The following PCDHA1 variants were observed in gnomAD, a reference collection of about 807,000 sequenced individuals.
PCDHA1 encodes protocadherin alpha 1, also known as protocadherin alpha-1.
In PCDHA1, 42 loss-of-function variants were observed where a neutral mutation model predicts 61.3. That is an observed-to-expected ratio of 0.69 (90% CI 0.54 to 0.89). The LOEUF is 0.89. PCDHA1 is among the 40% of genes least tolerant of loss of function. PCDHA1 has a pLI of 0.00. For missense variants in PCDHA1, 1,256 were observed against 1,235.3 expected, an observed-to-expected ratio of 1.02 and a Z score of -0.25; for synonymous variants, 610 against 553.8, an observed-to-expected ratio of 1.10 and a Z score of -1.43.
At chr5:140,855,488 C>T (rs569322371) in intron 1 of PCDHA1, among the ~76,000 whole-genome samples, 1 of 149,546 alleles carries the variant, frequency 6.7e-6, no homozygotes. Flanking sequence ...ACATTAGTGT[C>T]TAAATAAACC....
At chr5:140,857,353 G>A (rs1197611806) in intron 1 of PCDHA1, 1 of 1,598,220 alleles carries the variant, frequency 6.3e-7, no homozygotes, top group African/African-American at 1.3e-5. Flanking sequence ...CTCCGCTGTG[G>A]GCCACGGCCA....
intron 1 of PCDHA1, chr5:140,836,557 C>T (rs2150263942): frequency 1.2e-6 from 2 of 1,613,660 alleles, no homozygotes; most frequent in Non-Finnish European, 1.7e-6. Context: ...CGGTGCTCAG[C>T]GCCGTCCTCT....
intron 1 of PCDHA1, chr5:140,829,111 T>A: frequency 6.2e-7 from 1 of 1,612,018 alleles, no homozygotes; most frequent in Non-Finnish European, 8.5e-7. Flanking sequence ...TAGTGAGAAT[T>A]TTGGATAAAA....
chr5:140,928,876 C>T (rs1554206456), intron 1 of PCDHA1: 1 of 1,614,194 alleles, frequency 6.2e-7, no homozygotes, highest in Non-Finnish European at 8.5e-7. Context: ...CTCTGTCCCT[C>T]AGTTACTTCC....
chr5:140,843,577 A>G, intron 1 of PCDHA1: 1 of 1,595,954 alleles, frequency 6.3e-7, no homozygotes, highest in East Asian at 2.2e-5. Context: ...CATACTCGCA[A>G]CAACAGCCGC....
At chr5:140,802,484 CG>C in intron 1 of PCDHA1, 3 of 1,614,164 alleles carry the variant, frequency 1.9e-6, no homozygotes, top group Non-Finnish European at 2.5e-6. Flanking sequence ...CTGCTCGGGA[CG>C]GGGGCTCGCC....
At position 141,009,798 on chromosome 5, in the gene PCDHA1, A is replaced by T; in HGVS notation, c.2714A>T (p.Asn905Ile). 1 of 1,614,116 alleles carries T rather than the reference A, an allele frequency of 6.2e-7. No individual in the cohort carries two copies. The highest frequency in any genetic ancestry group is 2.2e-5 in the East Asian group (1 of 44,868). Residue 905 changes from asparagine (N) to isoleucine (I), a missense_variant, in exon 4 of 4, where the codon AAC (asparagine) becomes ATC (isoleucine). Asn to Ile is a moderately radical substitution (Grantham distance 149). Coordinates refer to ENST00000504120, the MANE Select transcript of PCDHA1 (RefSeq NM_018900.4). The stretch of plus-strand genomic sequence containing the variant: ...ATCTCCATCCGGCAGGAGCCTACTA[A>T]CAGCCAAATTGACAAAAGTGACTTC... Reference protein sequence around the residue: ...AIISIRQEPTNSQIDKSDFIT... With the variant: ...AIISIRQEPTISQIDKSDFIT...
In PCDHA1 at chr5:140,851,551, T is replaced by C; in HGVS notation, c.2394+62867T>C. Reference sequence around the variant, plus strand: ...GACAATGTAGATAATTCAAGAAATGTTGACTGAAATTTTGTCTACACTTAG... The same window carrying C: ...GACAATGTAGATAATTCAAGAAATGCTGACTGAAATTTTGTCTACACTTAG... On this transcript the variant is annotated intron_variant, in intron 1 of 3. Coordinates refer to ENST00000504120, the MANE Select transcript of PCDHA1 (RefSeq NM_018900.4). The C allele has an allele frequency of 5.5e-6, 5 of 908,010 alleles. No individual in the cohort carries two copies. In the South Asian group the frequency reaches 2.0e-4, roughly 36 times the overall value. The allele number at this position is 908,010 out of a possible 1,614,324, so 56.2% of individuals were successfully genotyped here. A position where few individuals can be genotyped will look rare whatever the true frequency, so the allele number is the denominator to read the frequency against.
intron 1 of PCDHA1, chr5:140,877,444 G>A (rs782552942): frequency 6.2e-7 from 1 of 1,613,864 alleles, no homozygotes; most frequent in South Asian, 1.1e-5. Context: ...CGGTGAGCCC[G>A]CGCTGACGTC....
chr5:140,994,263 C>G (rs1329526022), intron 3 of PCDHA1, among the ~76,000 whole-genome samples: 1 of 152,160 alleles, frequency 6.6e-6, no homozygotes, highest in African/African-American at 2.4e-5. Flanking sequence ...ATAAGGTAAG[C>G]TAGGCTGCCT....
At chr5:140,882,538 C>T (rs782086663) in intron 1 of PCDHA1, 2 of 1,614,170 alleles carry the variant, frequency 1.2e-6, no homozygotes, top group Non-Finnish European at 1.7e-6. Flanking sequence ...ATTCTCGGAT[C>T]GACCGCGAGG....
In PCDHA1 at chr5:140,839,872, A is replaced by G. The variant is rs1331265354; in HGVS notation, c.2394+51188A>G. ...TTACTTTTGAGGTGGACTTTGAAAG[A>G]TGAATAGAATTTTGACAGAAAAAGA... is the stretch of plus-strand genomic sequence containing the variant. On this transcript the variant is annotated intron_variant, in intron 1 of 3. Coordinates refer to ENST00000504120, the MANE Select transcript of PCDHA1 (RefSeq NM_018900.4). Among the ~76,000 whole-genome samples, 10 of 152,164 alleles carry G rather than the reference A, an allele frequency of 6.6e-5. 1 individual carries two copies. Among genetic ancestry groups the G allele is most frequent in the African/African-American group, 1.9e-4 (8 of 41,502 alleles).
chr5:140,882,715 A>G (rs143870647), intron 1 of PCDHA1: 102 of 1,614,124 alleles, frequency 6.3e-5, no homozygotes, highest in African/African-American at 1.7e-4. Context: ...GACCTCCGGA[A>G]ACTCGATTTC....
intron 1 of PCDHA1, among the ~76,000 whole-genome samples, chr5:140,957,373 T>C (rs906109440): frequency 6.6e-5 from 10 of 152,310 alleles, no homozygotes; most frequent in African/African-American, 2.2e-4. Context: ...ACTTTTATTA[T>C]AGTGTATTGT....
intron 1 of PCDHA1, among the ~76,000 whole-genome samples, chr5:140,970,867 G>A (rs1207924606): frequency 6.6e-6 from 1 of 152,124 alleles, no homozygotes; most frequent in Non-Finnish European, 1.5e-5. Flanking sequence ...ATTCCTGATT[G>A]AGAGTAGATT....
intron 1 of PCDHA1, among the ~76,000 whole-genome samples, chr5:140,914,261 T>G (rs1294037425): frequency 6.6e-6 from 1 of 152,202 alleles, no homozygotes; most frequent in Non-Finnish European, 1.5e-5. Context: ...GCTTCAATGG[T>G]GGGTGCATAT....
chr5:140,928,426 T>G (rs1563104997), intron 1 of PCDHA1: 2 of 1,614,134 alleles, frequency 1.2e-6, no homozygotes, highest in Non-Finnish European at 1.7e-6. Context: ...TGCCAAAACT[T>G]CCTTTGACTT....
intron 1 of PCDHA1, chr5:140,795,657 G>T: frequency 1.2e-6 from 2 of 1,613,964 alleles, no homozygotes; most frequent in Non-Finnish European, 1.7e-6. Flanking sequence ...TACTTATTAA[G>T]GTATTAGATG....
intron 1 of PCDHA1, chr5:140,856,935 A>C: frequency 6.3e-7 from 1 of 1,594,236 alleles, no homozygotes; most frequent in South Asian, 1.1e-5. Flanking sequence ...TGGATAAACG[A>C]AAGGACGGGA....
Sources: allele counts gnomAD v4.1 joint callset (sites outside exome capture counted in the v4.1 genomes callset), GRCh38; gene constraint gnomAD v4.1.1; transcripts MANE v1.5; gene names NCBI Gene and HGNC (gene_info 2026-07-23, HGNC 2026-07-21).